The following GREB1 variants were observed in gnomAD, a reference collection of about 807,000 sequenced individuals.
The protein encoded by GREB1 is growth regulating estrogen receptor binding 1.
Under a neutral mutation model 200.7 loss-of-function variants are expected in GREB1, and 106 were observed. The observed-to-expected ratio is 0.53, with a 90% CI of 0.45 to 0.62. The LOEUF (loss-of-function observed/expected upper bound fraction) is 0.62. Among genes scored for constraint, GREB1 ranks in the 20% least tolerant of loss-of-function variants. The pLI is 0.00. For synonymous variants in GREB1, 1,132 were observed against 1,092.4 expected (o/e 1.04, Z -0.72); for missense variants, 2,243 against 2,556.8 (o/e 0.88, Z 2.65).
At position 11,598,878 on chromosome 2, in the gene GREB1, T is replaced by C; in HGVS notation, c.2333+18T>C. ...CTTGTGAGGTTAGATTGACTTGATA[T>C]ATGACAAGTTGACATTTTCCTTCTT... is the stretch of plus-strand genomic sequence containing the variant. On this transcript the variant is annotated intron_variant, in intron 15 of 32. Transcript: ENST00000381486. The C allele has an allele frequency of 1.2e-6, 2 of 1,601,238 alleles. No homozygotes were observed. The highest frequency in any genetic ancestry group is 4.5e-5 in the East Asian group (2 of 44,800).
chr2:11,640,183 C>A lies in GREB1; in HGVS notation c.5687-108C>A. On this transcript the variant is annotated intron_variant, in intron 32 of 32. Coordinates refer to ENST00000381486, the MANE Select transcript of GREB1 (RefSeq NM_014668.4). This position sits in a 1 kb window ranked among gnomAD's most constrained non-coding sequence, Gnocchi z 4.6. ...GGCCGACTTGGATGCCGCTTCTGCC[C>A]TTCCCAACAGCGCCCTGTCTTGTCA... is the stretch of plus-strand genomic sequence containing the variant. 2 of 1,084,774 alleles carry A rather than the reference C, an allele frequency of 1.8e-6. No homozygotes were observed. Among genetic ancestry groups the A allele is most frequent in the East Asian group, 2.5e-5 (1 of 40,632 alleles). 67.2% of individuals were successfully genotyped at this position (1,084,774 alleles called of 1,614,324 possible).
intron 1 of GREB1, among the ~76,000 whole-genome samples, chr2:11,486,455 G>T (rs938383496): frequency 1.2e-4 from 19 of 152,042 alleles, no homozygotes; most frequent in African/African-American, 4.6e-4. Context: ...CAGCCTAATT[G>T]TAGTACTTTA....
At chr2:11,591,534 T>C in intron 10 of GREB1, 1 of 700,196 alleles carries the variant, frequency 1.4e-6, no homozygotes, top group Non-Finnish European at 2.7e-6. Flanking sequence ...CATCTTTTTC[T>C]GAATTAATAA....
chr2:11,595,702 C>T (rs1003025529), intron 12 of GREB1, among the ~76,000 whole-genome samples: 1 of 152,138 alleles, frequency 6.6e-6, no homozygotes, highest in East Asian at 1.9e-4. Flanking sequence ...GCCTCTCTTC[C>T]CTGTCTCCCC....
chr2:11,592,595 G>A (rs1680842522), intron 10 of GREB1, among the ~76,000 whole-genome samples, 181 bp from the exon 11 acceptor site: 1 of 152,234 alleles, frequency 6.6e-6, no homozygotes, highest in Non-Finnish European at 1.5e-5. Context: ...CGTAAATAGC[G>A]TGGCTCTGTT....
Position 11,632,960 on chromosome 2 carries a change from C to G in GREB1, c.4888C>G (p.Leu1630Val). 1 of 1,614,158 alleles carries G rather than the reference C, an allele frequency of 6.2e-7. No homozygotes were observed. The highest frequency in any genetic ancestry group is 1.1e-5 in the South Asian group (1 of 91,082). The change falls in exon 28 of 33, where the codon CTG (leucine) becomes GTG (valine). Residue 1630 changes from leucine to valine, a missense_variant. Physicochemically the swap from Leu to Val is conservative, Grantham distance 32. Coordinates refer to ENST00000381486, the MANE Select transcript of GREB1 (RefSeq NM_014668.4). ...LELERNRQEELGIKPQDIWPF... is the reference protein window; with the variant it reads ...LELERNRQEEVGIKPQDIWPF... ...GCTCGAGCGGAACCGGCAGGAGGAG[C>G]TGGGAATCAAGCCGCAGGACATCTG...
rs1352478717 is a variant in GREB1 at position 11,519,549 on chromosome 2, G to A, written c.-158-36908G>A. 2.3e-5 allele frequency among the ~76,000 whole-genome samples: 3 copies of A among 132,712 alleles called. No homozygotes were observed. In the Admixed American group the frequency reaches 2.7e-4, roughly 12 times the overall value. The allele number at this position is 132,712 out of a possible 152,430, so 87.1% of individuals were successfully genotyped here. Reference sequence around the variant, plus strand: ...CGGCTCACTGCAACCTCTACCTCCCGGGTTCATGAGATTCTCCTCCCTCAG... The same window carrying A: ...CGGCTCACTGCAACCTCTACCTCCCAGGTTCATGAGATTCTCCTCCCTCAG... On this transcript the variant is annotated intron_variant, in intron 1 of 2. Transcript: ENST00000628795.
chr2:11,586,496 G>A (rs1429132211), intron 9 of GREB1, among the ~76,000 whole-genome samples: 1 of 152,210 alleles, frequency 6.6e-6, no homozygotes, highest in Non-Finnish European at 1.5e-5. Flanking sequence ...TGATGAAGCT[G>A]GGGATGTTGC....
chr2:11,634,158 G>A lies in GREB1; in HGVS notation c.5019G>A (p.Val1673=). ...SREFSWSERN[V]SLKHIMQHIE... ...AGTTCTCCTGGTCGGAAAGGAACGT[G>A]TCTTTGAAGCACATCATGCAGCACA... Residue 1673 remains valine (V), a synonymous_variant, in exon 29 of 33, where the codon GTG becomes GTA. Transcript: ENST00000381486. 1 of 1,614,232 alleles carries A rather than the reference G, an allele frequency of 6.2e-7. No homozygotes were observed.
chr2:11,568,686 TA>T (rs1677946872), intron 4 of GREB1, among the ~76,000 whole-genome samples: 1 of 152,240 alleles, frequency 6.6e-6, no homozygotes, highest in Non-Finnish European at 1.5e-5. Flanking sequence ...GCCAGGGTAG[TA>T]AATCAAGGAG....
chr2:11,552,466 T>G (rs1246881223), intron 1 of GREB1, among the ~76,000 whole-genome samples: 3 of 152,172 alleles, frequency 2.0e-5, no homozygotes, highest in African/African-American at 7.2e-5. Context: ...TTGGGAGGAT[T>G]GAAGCTTTAG....
intron 1 of GREB1, among the ~76,000 whole-genome samples, chr2:11,523,325 C>G (rs942994794): frequency 6.6e-6 from 1 of 152,038 alleles, no homozygotes; most frequent in Non-Finnish European, 1.5e-5. Context: ...CAAAACCCCC[C>G]CCATGACATG....
chr2:11,618,095 G>T (rs190390373), intron 21 of GREB1, among the ~76,000 whole-genome samples, 193 bp from the exon 22 acceptor site: 1 of 152,190 alleles, frequency 6.6e-6, no homozygotes. Flanking sequence ...GGCAAGTTCT[G>T]GGACAGCTCA....
At chr2:11,556,973 A>C (rs894617234) in intron 2 of GREB1, among the ~76,000 whole-genome samples, 1 of 152,234 alleles carries the variant, frequency 6.6e-6, no homozygotes, top group Admixed American at 6.5e-5. Context: ...CAAGAAGTAA[A>C]ATTATTCATT....
At chr2:11,598,094 CTT>C (rs1479086939) in intron 14 of GREB1, 116 bp downstream of exon 14, 2 of 803,620 alleles carry the variant, frequency 2.5e-6, no homozygotes, top group East Asian at 4.9e-5. Flanking sequence ...TATTGCTGCT[CTT>C]GTTTTATAGA....
chr2:11,508,754 ATTGT>A (rs1344333927), intron 1 of GREB1, among the ~76,000 whole-genome samples: 5 of 152,004 alleles, frequency 3.3e-5, no homozygotes, highest in African/African-American at 1.2e-4. Flanking sequence ...ATTTCAAATC[ATTGT>A]TTGCCAGAAT....
chr2:11,499,673 A>G (rs1028377385), intron 1 of GREB1, among the ~76,000 whole-genome samples: 3 of 152,258 alleles, frequency 2.0e-5, no homozygotes, highest in African/African-American at 7.2e-5. Context: ...AAAACTTATA[A>G]AGCATGGAAG....
rs186789151 is a variant in GREB1, at chr2:11,513,927, T to C, written c.-159+31546T>C. Among the ~76,000 whole-genome samples the C allele has an allele frequency of 2.5e-3, 381 of 152,314 alleles. 1 individual carries two copies. In the South Asian group the frequency reaches 0.033, roughly 13 times the overall value. On this transcript the variant is annotated intron_variant, in intron 1 of 2. Transcript: ENST00000628795. ...TCTGTGGCAGGTACTGAGCTAGGCTTCCGGGTTGTAGAGCTGCCTAAGTCC... is the reference window on the plus strand; with the variant it reads ...TCTGTGGCAGGTACTGAGCTAGGCTCCCGGGTTGTAGAGCTGCCTAAGTCC...
At chr2:11,498,735 A>G (rs1240448283) in intron 1 of GREB1, among the ~76,000 whole-genome samples, 2 of 152,202 alleles carry the variant, frequency 1.3e-5, no homozygotes, top group Non-Finnish European at 2.9e-5. Flanking sequence ...TCTGGGGCAC[A>G]CTGACCCACG....
Sources: gnomAD v4.1 joint callset for allele counts (sites outside exome capture counted in the v4.1 genomes callset) on GRCh38, gnomAD v4.1.1 for gene constraint, Gnocchi (gnomAD v3.1) non-coding constraint, MANE v1.5 for transcripts, NCBI Gene and HGNC (gene_info 2026-07-23, HGNC 2026-07-21) for gene names.